RAC1: variants seen among roughly 807,000 people sequenced by gnomAD.
The protein encoded by RAC1 is ras-related C3 botulinum toxin substrate 1.
Under a neutral mutation model 25.2 loss-of-function variants are expected in RAC1, and 2 were observed. The observed-to-expected ratio is 0.08, with a 90% CI of 0.03 to 0.25. The LOEUF (loss-of-function observed/expected upper bound fraction) is 0.25. Among genes scored for constraint, RAC1 ranks in the 10% least tolerant of loss-of-function variants. RAC1 has a pLI of 1.00. For missense variants in RAC1, 50 were observed against 235.7 expected, an observed-to-expected ratio of 0.21 and a Z score of 5.16; for synonymous variants, 88 against 94.0, an observed-to-expected ratio of 0.94 and a Z score of 0.37.
intron 1 of RAC1, among the ~76,000 whole-genome samples, chr7:6,378,976 G>A (rs1387583984): frequency 6.6e-6 from 1 of 151,988 alleles, no homozygotes; most frequent in Admixed American, 6.6e-5. Context: ...TGTAATCCTA[G>A]CTACTCGGGA....
At chr7:6,395,624 C>T (rs1783215040) in intron 3 of RAC1, among the ~76,000 whole-genome samples, 2 of 152,212 alleles carry the variant, frequency 1.3e-5, no homozygotes, top group Admixed American at 6.5e-5. Context: ...ACTTTTGGTC[C>T]TATTTCAGCA....
chr7:6,380,366 A>G (rs1455532349), intron 1 of RAC1, among the ~76,000 whole-genome samples: 3 of 130,618 alleles, frequency 2.3e-5, no homozygotes, highest in Admixed American at 7.7e-5. Context: ...TAAGCCAAAA[A>G]AATTATACAT....
chr7:6,394,238 C>T (rs763788666), intron 3 of RAC1, among the ~76,000 whole-genome samples: 57 of 152,292 alleles, frequency 3.7e-4, no homozygotes, highest in Admixed American at 1.3e-3. Flanking sequence ...TAAGTCTGTT[C>T]AGACCATTCA....
chr7:6,395,483 T>G (rs568291624), intron 3 of RAC1, among the ~76,000 whole-genome samples: 1 of 152,324 alleles, frequency 6.6e-6, no homozygotes, highest in Non-Finnish European at 1.5e-5. Context: ...ACCTGGGGAC[T>G]GTGGGAATTC....
intron 2 of RAC1, chr7:6,391,329 C>G (rs1451263079): frequency 3.3e-5 from 5 of 151,932 alleles, no homozygotes; most frequent in African/African-American, 1.2e-4. Flanking sequence ...TGATTTCCCT[C>G]TGTCAGCCTA....
chr7:6,378,077 G>A (rs1782655568), intron 1 of RAC1, among the ~76,000 whole-genome samples: 1 of 152,000 alleles, frequency 6.6e-6, no homozygotes, highest in South Asian at 2.1e-4. Context: ...TCATCCCTAG[G>A]GATGGTTCTG....
chr7:6,382,946 A>G (rs1361900387), intron 1 of RAC1, among the ~76,000 whole-genome samples: 1 of 152,242 alleles, frequency 6.6e-6, no homozygotes, highest in Non-Finnish European at 1.5e-5. Flanking sequence ...GGTTATTTCT[A>G]CAGGACAGGG....
In RAC1 at chr7:6,377,767, T is replaced by C. The variant is rs1782648438; in HGVS notation, c.35+2997T>C. On this transcript the variant is annotated intron_variant, in intron 1 of 5. Coordinates refer to ENST00000348035, the MANE Select transcript of RAC1 (RefSeq NM_006908.5). Reference sequence around the variant, plus strand: ...TCGTCTCTACTAAAAATAGAAAAATTAGCTGGGCACGCCTGTAATCCTAGC... The same window carrying C: ...TCGTCTCTACTAAAAATAGAAAAATCAGCTGGGCACGCCTGTAATCCTAGC... Among the ~76,000 whole-genome samples, 5 of 151,696 alleles carry C rather than the reference T, an allele frequency of 3.3e-5. No individual in the cohort carries two copies. In the South Asian group the frequency reaches 6.2e-4, roughly 19 times the overall value.
In RAC1 at chr7:6,402,716, T is replaced by C; in HGVS notation, c.*270T>C. 1 of 300,258 alleles carries C rather than the reference T, an allele frequency of 3.3e-6. No individual in the cohort carries two copies. The highest frequency in any genetic ancestry group is 5.5e-5 in the East Asian group (1 of 18,034). 18.6% of individuals were successfully genotyped at this position (300,258 alleles called of 1,614,324 possible). ...GACAAGCCTTCTTAAAGCCTTATTT[T>C]TCAAAAGCGCCCCCCCCATTCTTGT... On this transcript the variant is annotated 3_prime_UTR_variant, in exon 6 of 6. Coordinates refer to ENST00000348035, the MANE Select transcript of RAC1 (RefSeq NM_006908.5).
chr7:6,398,711 C>T lies in RAC1; in HGVS notation c.226-1415C>T, dbSNP rs764885567. ...ATAACCTCCCGGGGCAAAGACAAGC[C>T]GATTGCCGTATGTAAAACTTTCAGT... On this transcript the variant is annotated intron_variant, in intron 3 of 5. Transcript: ENST00000348035. 9.9e-6 allele frequency: 16 copies of T among 1,613,598 alleles called. No individual in the cohort carries two copies. The Admixed American group carries it at 1.8e-4, about 18-fold the overall frequency.
At chr7:6,397,036 C>CAAAAAAAAAA (rs151105670) in intron 3 of RAC1, among the ~76,000 whole-genome samples, 1 of 80,188 alleles carries the variant, frequency 1.2e-5, no homozygotes, top group Non-Finnish European at 2.5e-5. Flanking sequence ...CTCTCAAAAA[C>CAAAAAAAAAA]AAAAAAAAAA....
intron 1 of RAC1, among the ~76,000 whole-genome samples, chr7:6,383,617 C>G (rs1344986311): frequency 4.6e-5 from 7 of 152,012 alleles, no homozygotes. Flanking sequence ...TTAGACACAG[C>G]TGGTTGCCTT....
At chr7:6,392,071 C>A (rs773557046) in intron 3 of RAC1, 30 bp downstream of exon 3, 3 of 1,613,478 alleles carry the variant, frequency 1.9e-6, no homozygotes, top group East Asian at 2.2e-5. Flanking sequence ...TTTAATGTGT[C>A]TTTTAGAGTA....
chr7:6,376,911 G>A (rs1782620969), intron 1 of RAC1, among the ~76,000 whole-genome samples: 1 of 150,726 alleles, frequency 6.6e-6, no homozygotes, highest in Non-Finnish European at 1.5e-5. Context: ...TGAATTGGCT[G>A]TTTTATCTAG....
chr7:6,384,233 C>T (rs1170472396), intron 1 of RAC1, among the ~76,000 whole-genome samples: 2 of 152,172 alleles, frequency 1.3e-5, no homozygotes, highest in African/African-American at 4.8e-5. Flanking sequence ...CACTTATGTT[C>T]ACTGTCCAGT....
chr7:6,383,312 G>A (rs1479467778), intron 1 of RAC1, among the ~76,000 whole-genome samples: 1 of 152,156 alleles, frequency 6.6e-6, no homozygotes, highest in Admixed American at 6.5e-5. Flanking sequence ...TACACTAATA[G>A]GAGTGGAATA....
At chr7:6,376,499 TTC>T (rs1426092341) in intron 1 of RAC1, among the ~76,000 whole-genome samples, 3 of 140,312 alleles carry the variant, frequency 2.1e-5, no homozygotes, top group African/African-American at 9.0e-5. Context: ...TTTTTTTTTT[TTC>T]TTTTCTTTTT....
At chr7:6,381,804 A>G (rs1261763887) in intron 1 of RAC1, among the ~76,000 whole-genome samples, 1 of 152,026 alleles carries the variant, frequency 6.6e-6, no homozygotes, top group Non-Finnish European at 1.5e-5. Context: ...CTAGTGGTGT[A>G]TTTTTCTGGA....
chr7:6,390,581 CAGTG>C (rs1296571914), intron 2 of RAC1, among the ~76,000 whole-genome samples: 5 of 151,162 alleles, frequency 3.3e-5, no homozygotes, highest in African/African-American at 1.2e-4. Flanking sequence ...GCCTGGGTGA[CAGTG>C]AGATTCTGTC....
Sources: gnomAD v4.1 joint callset for allele counts (sites outside exome capture counted in the v4.1 genomes callset) on GRCh38, gnomAD v4.1.1 for gene constraint, MANE v1.5 for transcripts, NCBI Gene and HGNC (gene_info 2026-07-23, HGNC 2026-07-21) for gene names.